CYP2E1: variants seen among roughly 807,000 people sequenced by gnomAD.
The protein encoded by CYP2E1 is cytochrome P450 2E1.
In CYP2E1, 31 loss-of-function variants were observed where a neutral mutation model predicts 42.9. That is an observed-to-expected ratio of 0.72 (90% CI 0.54 to 0.98). The LOEUF is 0.98. Ranked by LOEUF, CYP2E1 falls within the 50% of genes least tolerant of loss-of-function variation. The pLI, the probability that CYP2E1 is intolerant of heterozygous loss-of-function variation, is 0.00. For missense variants in CYP2E1, 565 were observed against 633.2 expected, an observed-to-expected ratio of 0.89 and a Z score of 1.16; for synonymous variants, 244 against 248.9, an observed-to-expected ratio of 0.98 and a Z score of 0.19.
Position 133,532,865 on chromosome 10 carries a change from G to A in CYP2E1, c.822G>A (p.Glu274=), listed in dbSNP as rs758878010. The part of the protein sequence containing the change: ...DLTDCLLVEM[E]KEKHSAERLY... The stretch of plus-strand genomic sequence containing the variant: ...CCGACTGCCTGCTCGTGGAAATGGA[G>A]AAGGTAGGCTCGGCCCTCCCATGAT... The change falls in exon 5 of 9, where the codon GAG becomes GAA. Residue 274 remains glutamate, a synonymous_variant. Coordinates refer to ENST00000252945, the MANE Select transcript of CYP2E1 (RefSeq NM_000773.4). 1 of 1,602,156 alleles carries A rather than the reference G, an allele frequency of 6.2e-7. No individual in the cohort carries two copies. Among genetic ancestry groups the A allele is most frequent in the East Asian group, 2.2e-5 (1 of 44,708 alleles).
chr10:133,531,183 A>G (rs879829324), intron 2 of CYP2E1, among the ~76,000 whole-genome samples: 5 of 152,186 alleles, frequency 3.3e-5, no homozygotes, highest in Non-Finnish European at 7.3e-5. Context: ...AACAGAATGA[A>G]TGGCTTTTCA....
intron 2 of CYP2E1, among the ~76,000 whole-genome samples, chr10:133,529,385 A>G (rs1851310879): frequency 6.6e-6 from 1 of 152,182 alleles, no homozygotes; most frequent in Non-Finnish European, 1.5e-5. Context: ...CTGCCTGCAG[A>G]CCTGGCCTGC....
intron 3 of CYP2E1, 90 bp from the exon 4 acceptor site, chr10:133,532,034 C>T: frequency 8.0e-7 from 1 of 1,257,102 alleles, no homozygotes; most frequent in Non-Finnish European, 1.1e-6. Flanking sequence ...CACCTTCTCA[C>T]AGGCCTTGGT....
At chr10:133,538,709 A>C (rs563058777) in intron 8 of CYP2E1, 71 bp from the exon 9 acceptor site, 4 of 1,366,230 alleles carry the variant, frequency 2.9e-6, no homozygotes, top group Admixed American at 1.8e-5. Flanking sequence ...CGCTTCCCCT[A>C]GTCTCACTGT....
chr10:133,537,379 C>T, intron 7 of CYP2E1, 129 bp downstream of exon 7: 3 of 883,764 alleles, frequency 3.4e-6, no homozygotes, highest in South Asian at 1.7e-5. Flanking sequence ...GAAGGGCTGG[C>T]CCCACTCCCA....
chr10:133,527,367 C>G lies in CYP2E1; in HGVS notation c.-29C>G, dbSNP rs374647442. 2 of 1,581,972 alleles carry G rather than the reference C, an allele frequency of 1.3e-6. No homozygotes were observed. The highest frequency in any genetic ancestry group is 2.3e-5 in the East Asian group (1 of 44,302). On this transcript the variant is annotated 5_prime_UTR_variant, in exon 1 of 9. Coordinates refer to ENST00000252945, the MANE Select transcript of CYP2E1 (RefSeq NM_000773.4). ...CTTCCGTTTCCACAGGATTGTCTCC[C>G]GGGCTGGCAGCAGGGCCCCAGCGGC...
At chr10:133,529,558 C>T (rs886544279) in intron 2 of CYP2E1, among the ~76,000 whole-genome samples, 1 of 152,388 alleles carries the variant, frequency 6.6e-6, no homozygotes, top group African/African-American at 2.4e-5. Context: ...AATCGGTGAG[C>T]TCGTGCTCTT....
intron 3 of CYP2E1, 67 bp downstream of exon 3, chr10:133,531,801 G>T: frequency 1.3e-6 from 2 of 1,489,826 alleles, no homozygotes; most frequent in East Asian, 2.3e-5. Flanking sequence ...GCCCTGGCTG[G>T]GACTCCTAGA....
rs745528149 is a variant in CYP2E1, at chr10:133,537,171, G to A, written c.1076G>A (p.Arg359Gln). Residue 359 changes from arginine (R) to glutamine (Q), a missense_variant, in exon 7 of 9, where the codon CGG becomes CAG. Transcript: ENST00000252945. Reference sequence around the variant, plus strand: ...GATGCTGTGGTGCATGAGATTCAGCGGTTCATCACCCTCGTGCCCTCCAAC... The same window carrying A: ...GATGCTGTGGTGCATGAGATTCAGCAGTTCATCACCCTCGTGCCCTCCAAC... ...YMDAVVHEIQ[R>Q]FITLVPSNLP... 5.6e-6 allele frequency: 9 copies of A among 1,613,942 alleles called. No homozygotes were observed. Among genetic ancestry groups the A allele is most frequent in the African/African-American group, 4.0e-5 (3 of 74,892 alleles).
chr10:133,530,205 G>A (rs1851320633), intron 2 of CYP2E1, among the ~76,000 whole-genome samples: 1 of 152,224 alleles, frequency 6.6e-6, no homozygotes, highest in Admixed American at 6.5e-5. Flanking sequence ...GACAATGATG[G>A]AAATATTCCT....
At chr10:133,531,525 A>T in intron 2 of CYP2E1, 60 bp from the exon 3 acceptor site, 3 of 1,584,072 alleles carry the variant, frequency 1.9e-6, no homozygotes, top group Non-Finnish European at 2.6e-6. Context: ...GGCCCTCTGT[A>T]GCCCATTTCT....
chr10:133,536,924 G>T, intron 6 of CYP2E1, 139 bp from the exon 7 acceptor site: 1 of 670,416 alleles, frequency 1.5e-6, no homozygotes, highest in African/African-American at 1.8e-5. Flanking sequence ...GGATGGAGGG[G>T]TGTATAGATG....
rs1362656544 is a variant in CYP2E1, at chr10:133,538,913, G to T, written c.1431G>T (p.Gly477=). 6.2e-7 allele frequency: 1 copy of T among 1,613,994 alleles called. No individual in the cohort carries two copies. The change falls in exon 9 of 9, where the codon GGG becomes GGT. Residue 477 remains glycine, a synonymous_variant. Transcript: ENST00000252945. The stretch of plus-strand genomic sequence containing the variant: ...TCGACCTCAGCCCTATACATATTGG[G>T]TTTGGCTGTATCCCACCACGTTACA... The part of the protein sequence containing the change: ...KDIDLSPIHI[G]FGCIPPRYKL...
intron 2 of CYP2E1, among the ~76,000 whole-genome samples, chr10:133,530,053 C>T (rs1368307522): frequency 6.6e-6 from 1 of 152,124 alleles, no homozygotes; most frequent in African/African-American, 2.4e-5. Context: ...GAGCGGAATT[C>T]ACATCAACAC....
At chr10:133,531,954 G>A in intron 3 of CYP2E1, 170 bp from the exon 4 acceptor site, 1 of 772,856 alleles carries the variant, frequency 1.3e-6, no homozygotes. Flanking sequence ...CCTAAATACT[G>A]TTGAAAAGCA....
rs373508705 is a variant in CYP2E1 at position 133,528,694 on chromosome 10, G to C, written c.337+54G>C. The C allele has an allele frequency of 4.4e-6, 7 of 1,596,914 alleles. No individual in the cohort carries two copies. The African/African-American group carries it at 8.0e-5, about 18-fold the overall frequency. On this transcript the variant is annotated intron_variant, in intron 2 of 8. Transcript: ENST00000252945. ...GGGGTGCATAACACGCCCCGGGACA[G>C]TTACGGGCGCTAGCCACGTCGGCGA...
intron 2 of CYP2E1, among the ~76,000 whole-genome samples, 172 bp from the exon 3 acceptor site, chr10:133,531,413 C>T (rs137917737): frequency 2.0e-5 from 3 of 152,232 alleles, no homozygotes; most frequent in Non-Finnish European, 4.4e-5. Flanking sequence ...GACCAGTGGC[C>T]GGTGCTGGCA....
chr10:133,532,949 C>A, intron 5 of CYP2E1, 81 bp downstream of exon 5: 1 of 1,336,694 alleles, frequency 7.5e-7, no homozygotes, highest in Non-Finnish European at 1.0e-6. Flanking sequence ...GTGAGCTGCA[C>A]TTGCTGGTGT....
At chr10:133,533,230 T>C (rs1294773107) in intron 5 of CYP2E1, among the ~76,000 whole-genome samples, 2 of 152,158 alleles carry the variant, frequency 1.3e-5, no homozygotes, top group Non-Finnish European at 2.9e-5. Context: ...CTTCCAGGCC[T>C]CCCCAGCTTC....
Sources: gnomAD v4.1 joint callset for allele counts (sites outside exome capture counted in the v4.1 genomes callset) on GRCh38, gnomAD v4.1.1 for gene constraint, MANE v1.5 for transcripts, NCBI Gene and HGNC (gene_info 2026-07-23, HGNC 2026-07-21) for gene names.